The following KCNQ5 variants were observed in gnomAD, a reference collection of about 807,000 sequenced individuals.
KCNQ5 encodes potassium voltage-gated channel subfamily Q member 5.
KCNQ5 carries 30 observed loss-of-function variants against 98.2 expected under a neutral mutation model. That is an observed-to-expected ratio of 0.31 (90% confidence interval 0.23 to 0.41). The LOEUF (loss-of-function observed/expected upper bound fraction) is 0.41. Ranked by LOEUF, KCNQ5 falls within the 10% of genes least tolerant of loss-of-function variation. KCNQ5 has a pLI of 1.00. For synonymous variants in KCNQ5, 458 were observed against 449.4 expected (o/e 1.02, Z -0.24); for missense variants, 835 against 1,182.5 (o/e 0.71, Z 4.31).
intron 1 of KCNQ5, among the ~76,000 whole-genome samples, chr6:72,794,107 T>C (rs1349387862): frequency 1.3e-5 from 2 of 152,256 alleles, no homozygotes; most frequent in Admixed American, 6.5e-5. Context: ...TCATAGTAGC[T>C]GCGCACACAA....
At position 73,091,569 on chromosome 6, in the gene KCNQ5, T is replaced by C. The variant is rs553256225; in HGVS notation, c.918+13682T>C. ...TTTGTTTGCTTTGTCCAAGATCAGT[T>C]GACTGTAAGTACCTTGGTTTGTTTC... is the stretch of plus-strand genomic sequence containing the variant. On this transcript the variant is annotated intron_variant, in intron 5 of 13. Transcript: ENST00000370398. Among the ~76,000 whole-genome samples the C allele has an allele frequency of 1.4e-4, 22 of 152,332 alleles. No individual in the cohort carries two copies. The East Asian group carries it at 2.5e-3, about 17-fold the overall frequency.
chr6:72,660,268 A>G (rs919458790), intron 1 of KCNQ5, among the ~76,000 whole-genome samples: 22 of 152,222 alleles, frequency 1.4e-4, no homozygotes, highest in Non-Finnish European at 2.8e-4. Flanking sequence ...ACTGAGCTAT[A>G]GAAAGATTGA....
intron 1 of KCNQ5, among the ~76,000 whole-genome samples, chr6:72,945,916 T>C (rs1442766441): frequency 1.3e-5 from 2 of 152,208 alleles, no homozygotes; most frequent in African/African-American, 4.8e-5. Context: ...TCTCATTTAA[T>C]TCTCATAACA....
intron 1 of KCNQ5, among the ~76,000 whole-genome samples, chr6:72,924,478 C>T (rs777249643): frequency 6.6e-6 from 1 of 152,172 alleles, no homozygotes; most frequent in Non-Finnish European, 1.5e-5. Context: ...GGTCGCCATC[C>T]GCATCCTAGT....
At chr6:72,920,207 T>A (rs142243860) in intron 1 of KCNQ5, among the ~76,000 whole-genome samples, 3 of 152,118 alleles carry the variant, frequency 2.0e-5, no homozygotes, top group Non-Finnish European at 4.4e-5. Context: ...GGCAGGGGAT[T>A]CACTTGAACC....
chr6:72,790,491 C>T (rs889536134), intron 1 of KCNQ5, among the ~76,000 whole-genome samples: 1 of 152,034 alleles, frequency 6.6e-6, no homozygotes. Flanking sequence ...AGGATAGTTA[C>T]CAGAGGCTGG....
At chr6:72,983,335 C>T (rs552950492) in intron 1 of KCNQ5, among the ~76,000 whole-genome samples, 1 of 152,336 alleles carries the variant, frequency 6.6e-6, no homozygotes, top group Admixed American at 6.5e-5. Flanking sequence ...TGTCTTTTCA[C>T]ATAGTCTCAC....
chr6:72,866,426 T>C (rs1178586312), intron 1 of KCNQ5, among the ~76,000 whole-genome samples: 1 of 151,934 alleles, frequency 6.6e-6, no homozygotes, highest in Non-Finnish European at 1.5e-5. Flanking sequence ...GGCTAATTTT[T>C]TGTATTTAGT....
chr6:73,109,162 A>G (rs9293919), intron 6 of KCNQ5, among the ~76,000 whole-genome samples: 145,723 of 152,334 alleles, frequency 0.96, 69,695 homozygotes, highest in South Asian at 0.98. Context: ...ACAGTCTGGC[A>G]CAAGAAATAC....
intron 10 of KCNQ5, among the ~76,000 whole-genome samples, chr6:73,154,076 CT>C (rs902884947): frequency 6.6e-6 from 1 of 151,268 alleles, no homozygotes; most frequent in Non-Finnish European, 1.5e-5. Context: ...TACCTAGAGG[CT>C]TTTTTTTCAA....
At chr6:73,158,211 G>T (rs1250141448) in intron 10 of KCNQ5, 1 of 251,686 alleles carries the variant, frequency 4.0e-6, no homozygotes, top group Non-Finnish European at 7.8e-6. Context: ...CGGCCCCAGC[G>T]TTGTGTGGGC....
chr6:72,661,013 A>G (rs1375964029), intron 1 of KCNQ5, among the ~76,000 whole-genome samples: 2 of 152,042 alleles, frequency 1.3e-5, no homozygotes. Context: ...ACTTTTTTTC[A>G]TAAAGTTTAA....
chr6:72,700,529 C>A (rs941494088), intron 1 of KCNQ5, among the ~76,000 whole-genome samples: 4 of 152,082 alleles, frequency 2.6e-5, no homozygotes, highest in Admixed American at 6.6e-5. Context: ...GGTTCTAAAC[C>A]ACAGTGAAAA....
intron 1 of KCNQ5, among the ~76,000 whole-genome samples, chr6:72,962,502 A>T (rs184384673): frequency 3.3e-5 from 5 of 152,132 alleles, no homozygotes; most frequent in Admixed American, 3.3e-4. Context: ...GAAATTTTTT[A>T]AAATTAATAA....
chr6:73,066,010 G>A (rs550880908), intron 3 of KCNQ5, among the ~76,000 whole-genome samples: 1 of 152,268 alleles, frequency 6.6e-6, no homozygotes, highest in East Asian at 1.9e-4. Context: ...GCCTGGAGTG[G>A]TGGTGCACAC....
chr6:73,111,108 G>GA (rs2150426879), intron 6 of KCNQ5, among the ~76,000 whole-genome samples, 200 bp from the exon 7 acceptor site: 1 of 152,240 alleles, frequency 6.6e-6, no homozygotes, highest in Non-Finnish European at 1.5e-5. Flanking sequence ...GTATCTCCTG[G>GA]CAGTATTGCC....
chr6:73,080,490 T>C (rs918364000), intron 5 of KCNQ5, among the ~76,000 whole-genome samples: 1 of 152,208 alleles, frequency 6.6e-6, no homozygotes, highest in Non-Finnish European at 1.5e-5. Flanking sequence ...TCATTGTTTC[T>C]ATTCATTTTA....
intron 1 of KCNQ5, among the ~76,000 whole-genome samples, chr6:72,895,375 A>G (rs1779210693): frequency 6.6e-6 from 1 of 151,492 alleles, no homozygotes; most frequent in Admixed American, 6.6e-5. Context: ...TACTTCAACT[A>G]CAGAAGGGCT....
chr6:72,792,801 A>G (rs1163350509), intron 1 of KCNQ5, among the ~76,000 whole-genome samples: 1 of 152,214 alleles, frequency 6.6e-6, no homozygotes, highest in South Asian at 2.1e-4. Context: ...CTATCCATAC[A>G]TATTTAGGGA....
Sources: gnomAD v4.1 joint callset for allele counts (sites outside exome capture counted in the v4.1 genomes callset) on GRCh38, gnomAD v4.1.1 for gene constraint, MANE v1.5 for transcripts, NCBI Gene and HGNC (gene_info 2026-07-23, HGNC 2026-07-21) for gene names.